Variants in MDFIC observed in about 807,000 individuals in gnomAD.
MDFIC encodes the protein myoD family inhibitor domain-containing protein.
A neutral mutation model predicts 23.2 loss-of-function variants in MDFIC; 17 were observed. The ratio of observed to expected loss-of-function variants is 0.73; its 90% CI spans 0.50 to 1.10. The LOEUF (loss-of-function observed/expected upper bound fraction) is 1.10, where lower values mean the gene tolerates loss of function less well. Among genes scored for constraint, MDFIC ranks in the 50% least tolerant of loss-of-function variants. The pLI is 0.00. For missense variants in MDFIC, 356 were observed against 316.6 expected (o/e 1.12, Z -0.95); for synonymous variants, 120 against 115.2 (o/e 1.04, Z -0.27).
chr7:115,012,103 A>G (rs1791694727), intron 4 of MDFIC, among the ~76,000 whole-genome samples: 1 of 152,198 alleles, frequency 6.6e-6, no homozygotes, highest in Non-Finnish European at 1.5e-5. Flanking sequence ...TCTGAGTTCA[A>G]AAGTTAACTT....
chr7:114,994,212 C>A (rs577568513), intron 4 of MDFIC, among the ~76,000 whole-genome samples: 68 of 152,238 alleles, frequency 4.5e-4, no homozygotes, highest in African/African-American at 1.5e-3. Context: ...GTAGATCTTC[C>A]TCCATCCCTT....
In MDFIC at chr7:114,922,407, A is replaced by G; in HGVS notation, c.-337A>G. 1 of 1,238,538 alleles carries G rather than the reference A, an allele frequency of 8.1e-7. No individual in the cohort carries two copies. Among genetic ancestry groups the G allele is most frequent in the Non-Finnish European group, 1.0e-6 (1 of 989,216 alleles). 76.7% of individuals were successfully genotyped at this position (1,238,538 alleles called of 1,614,324 possible). On this transcript the variant is annotated 5_prime_UTR_variant, in exon 1 of 5. Transcript: ENST00000393486. Reference sequence around the variant, plus strand: ...CGGCTGGAGTGAGCTGGCTGGAAAGAGGGGGCGGAGTGCGCGGAGTCAGAG... The same window carrying G: ...CGGCTGGAGTGAGCTGGCTGGAAAGGGGGGGCGGAGTGCGCGGAGTCAGAG...
intron 3 of MDFIC, among the ~76,000 whole-genome samples, chr7:114,945,883 A>G (rs564526341): frequency 1.6e-4 from 24 of 152,216 alleles, no homozygotes; most frequent in Middle Eastern, 6.8e-3. Context: ...CTTAGAACAT[A>G]ATTTGGTGTA....
At position 115,004,486 on chromosome 7, in the gene MDFIC, G is replaced by A. The variant is rs531379712; in HGVS notation, c.494-11202G>A. Among the ~76,000 whole-genome samples, 3 of 152,290 alleles carry A rather than the reference G, an allele frequency of 2.0e-5. No homozygotes were observed. The South Asian group carries it at 6.2e-4, about 32-fold the overall frequency. On this transcript the variant is annotated intron_variant, in intron 4 of 4. Transcript: ENST00000393486. ...AAAAAGGACAAAAAACGAAACAATT[G>A]AACTCATTACTTACTCTACCAGCAC...
At position 114,947,031 on chromosome 7, in the gene MDFIC, A is replaced by G. The variant is rs1425915716; in HGVS notation, c.217+4634A>G. Among the ~76,000 whole-genome samples the G allele has an allele frequency of 2.6e-5, 4 of 152,190 alleles. No homozygotes were observed. The South Asian group carries it at 8.3e-4, about 31-fold the overall frequency. On this transcript the variant is annotated intron_variant, in intron 3 of 4. Coordinates refer to ENST00000393486, the MANE Select transcript of MDFIC (RefSeq NM_001166345.3). ...ACTTTGTTGGTAAGCAAAGAGCATT[A>G]AGAGGTTTGTATTAAGTTTATTTCA...
chr7:115,008,799 C>T (rs1333244917), intron 4 of MDFIC, among the ~76,000 whole-genome samples: 3 of 152,232 alleles, frequency 2.0e-5, no homozygotes, highest in Non-Finnish European at 2.9e-5. Flanking sequence ...AGGATAACCA[C>T]AGCCTGCTTC....
intron 2 of MDFIC, among the ~76,000 whole-genome samples, chr7:114,940,309 G>A (rs1563137558): frequency 1.3e-5 from 2 of 152,192 alleles, no homozygotes; most frequent in Admixed American, 1.3e-4. Context: ...GTTGAAATTT[G>A]TTTCATGGCA....
Position 114,922,983 on chromosome 7 carries a change from G to C in MDFIC, c.-51G>C. The C allele has an allele frequency of 6.5e-7, 1 of 1,539,430 alleles. No homozygotes were observed. Among genetic ancestry groups the C allele is most frequent in the Non-Finnish European group, 8.7e-7 (1 of 1,144,704 alleles). On this transcript the variant is annotated 5_prime_UTR_variant, in exon 2 of 5. Coordinates refer to ENST00000393486, the MANE Select transcript of MDFIC (RefSeq NM_001166345.3). ...CAGCCCTTCCTCCGTGCGCCCTGCC[G>C]GGCGGCGAGCTAGGCGGCAGCGGCG... is the stretch of plus-strand genomic sequence containing the variant.
At chr7:115,004,476 C>T (rs140937637) in intron 4 of MDFIC, among the ~76,000 whole-genome samples, 84 of 152,286 alleles carry the variant, frequency 5.5e-4, no homozygotes, top group Non-Finnish European at 9.3e-4. Context: ...GGACAAAAAA[C>T]GAAACAATTG....
intron 4 of MDFIC, among the ~76,000 whole-genome samples, chr7:114,984,264 C>G (rs1793471644): frequency 6.6e-6 from 1 of 152,160 alleles, no homozygotes; most frequent in South Asian, 2.1e-4. Flanking sequence ...CACACCTGTG[C>G]TCTCTGTTTT....
intron 3 of MDFIC, among the ~76,000 whole-genome samples, chr7:114,969,278 C>G (rs1246593091): frequency 6.6e-6 from 1 of 152,120 alleles, no homozygotes; most frequent in Non-Finnish European, 1.5e-5. Flanking sequence ...GTATTGAATA[C>G]CAAACTGTTG....
intron 4 of MDFIC, among the ~76,000 whole-genome samples, chr7:115,012,240 A>T (rs1463540244): frequency 6.6e-6 from 1 of 152,224 alleles, no homozygotes; most frequent in Non-Finnish European, 1.5e-5. Flanking sequence ...AAAGGAGGCA[A>T]CCCAATATAA....
At chr7:114,996,859 C>G (rs1368170359) in intron 4 of MDFIC, among the ~76,000 whole-genome samples, 2 of 152,056 alleles carry the variant, frequency 1.3e-5, no homozygotes, top group Admixed American at 1.3e-4. Flanking sequence ...CAAAAGTACT[C>G]CAAAAACTAA....
chr7:114,988,356 A>AGTTTT (rs570371636), intron 4 of MDFIC, among the ~76,000 whole-genome samples: 281 of 152,270 alleles, frequency 1.8e-3, no homozygotes, highest in African/African-American at 6.4e-3. Context: ...AATGCACCAA[A>AGTTTT]GTTTTGTTTT....
intron 2 of MDFIC, among the ~76,000 whole-genome samples, chr7:114,930,772 A>G (rs1792293812): frequency 6.6e-6 from 1 of 152,238 alleles, no homozygotes; most frequent in Non-Finnish European, 1.5e-5. Flanking sequence ...AACACATGGA[A>G]CAGATAAAAA....
chr7:114,969,609 G>A (rs1027682770), intron 3 of MDFIC, among the ~76,000 whole-genome samples: 4 of 152,108 alleles, frequency 2.6e-5, no homozygotes, highest in Non-Finnish European at 5.9e-5. Flanking sequence ...GGTCCCAGAC[G>A]CAGTATCTAT....
intron 4 of MDFIC, among the ~76,000 whole-genome samples, chr7:115,008,571 G>A (rs1791618508): frequency 6.6e-6 from 1 of 152,160 alleles, no homozygotes; most frequent in Admixed American, 6.5e-5. Flanking sequence ...TATTCAGGCA[G>A]CAGGTCAGGC....
chr7:115,014,775 A>G (rs1791760290), intron 4 of MDFIC, among the ~76,000 whole-genome samples: 1 of 152,096 alleles, frequency 6.6e-6, no homozygotes, highest in Non-Finnish European at 1.5e-5. Flanking sequence ...TCCTTCCATT[A>G]CCCCTCTCAC....
At position 114,949,966 on chromosome 7, in the gene MDFIC, G is replaced by A. The variant is rs142769784; in HGVS notation, c.217+7569G>A. Among the ~76,000 whole-genome samples, 1,050 of 152,308 alleles carry A rather than the reference G, an allele frequency of 6.9e-3. 6 individuals carry two copies. Among genetic ancestry groups the A allele is most frequent in the Non-Finnish European group, 0.011 (769 of 68,022 alleles). ...AGAGAGGACATGGCCATTTTGAGGG[G>A]AGCTGGGGAAGTTTTGTGTAATCTG... is the stretch of plus-strand genomic sequence containing the variant. On this transcript the variant is annotated intron_variant, in intron 3 of 4. Coordinates refer to ENST00000393486, the MANE Select transcript of MDFIC (RefSeq NM_001166345.3).
Sources: allele counts gnomAD v4.1 joint callset (sites outside exome capture counted in the v4.1 genomes callset), GRCh38; gene constraint gnomAD v4.1.1; transcripts MANE v1.5; gene names NCBI Gene and HGNC (gene_info 2026-07-23, HGNC 2026-07-21).